The following SRGAP1 variants were observed in gnomAD, a reference collection of about 807,000 sequenced individuals.
SRGAP1 encodes SLIT-ROBO Rho GTPase-activating protein 1.
SRGAP1 carries 43 observed loss-of-function variants against 121.9 expected under a neutral mutation model. That is an observed-to-expected ratio of 0.35 (90% confidence interval 0.28 to 0.46). The LOEUF (loss-of-function observed/expected upper bound fraction) is 0.46. SRGAP1 is among the 20% of genes least tolerant of loss of function. The pLI is 1.00. For missense variants in SRGAP1, 1,102 were observed against 1,350.9 expected (o/e 0.82, Z 2.89); for synonymous variants, 447 against 485.4 (o/e 0.92, Z 1.04).
chr12:64,028,557 C>T (rs1011402588), intron 4 of SRGAP1, among the ~76,000 whole-genome samples: 10 of 152,324 alleles, frequency 6.6e-5, no homozygotes, highest in East Asian at 5.8e-4. Context: ...ACAACAGAAA[C>T]TTATTTTCCA....
rs1052787947 is a variant in SRGAP1 at position 64,147,254 on chromosome 12, C to G, written c.*4582C>G. ...GTAGCTTCCTGCTTGTGACTGTTACCTAATTGTGTCAATGTACATCTGTAG... is the reference window on the plus strand; with the variant it reads ...GTAGCTTCCTGCTTGTGACTGTTACGTAATTGTGTCAATGTACATCTGTAG... On this transcript the variant is annotated 3_prime_UTR_variant, in exon 22 of 22. Coordinates refer to ENST00000355086, the MANE Select transcript of SRGAP1 (RefSeq NM_020762.4). The G allele has an allele frequency of 2.6e-6, 1 of 379,484 alleles. No homozygotes were observed. The highest frequency in any genetic ancestry group is 2.1e-5 in the African/African-American group (1 of 48,386). The allele number at this position is 379,484 out of a possible 1,614,324, so 23.5% of individuals were successfully genotyped here. A position where few individuals can be genotyped will look rare whatever the true frequency, so the allele number is the denominator to read the frequency against.
chr12:64,085,369 A>G (rs2035918969), intron 10 of SRGAP1, among the ~76,000 whole-genome samples: 1 of 152,180 alleles, frequency 6.6e-6, no homozygotes, highest in Non-Finnish European at 1.5e-5. Flanking sequence ...ATTAGACTTA[A>G]TGCTGTCATA....
At chr12:63,906,865 A>G (rs902982168) in intron 1 of SRGAP1, among the ~76,000 whole-genome samples, 2 of 151,406 alleles carry the variant, frequency 1.3e-5, no homozygotes, top group African/African-American at 2.4e-5. Context: ...CCCACTTTTA[A>G]TTTTTATTAT....
At chr12:63,856,305 CTT>C (rs1383225592) in intron 1 of SRGAP1, among the ~76,000 whole-genome samples, 6 of 151,094 alleles carry the variant, frequency 4.0e-5, no homozygotes, top group Non-Finnish European at 7.4e-5. Flanking sequence ...AAAAGATCCT[CTT>C]AATAAATAGA....
chr12:63,996,670 T>C (rs1011177191), intron 3 of SRGAP1, among the ~76,000 whole-genome samples: 2 of 152,080 alleles, frequency 1.3e-5, no homozygotes, highest in Non-Finnish European at 2.9e-5. Flanking sequence ...GTAAATAATA[T>C]AACAAGAAGA....
chr12:64,017,706 G>A (rs956466061), intron 4 of SRGAP1, among the ~76,000 whole-genome samples: 6 of 151,098 alleles, frequency 4.0e-5, no homozygotes, highest in Non-Finnish European at 7.4e-5. Context: ...TTTAGGTTGC[G>A]TTATTCTGGT....
rs2033345901 is a variant in SRGAP1 at position 63,983,941 on chromosome 12, C to G, written c.68-6C>G. On this transcript the variant is annotated splice_polypyrimidine_tract_variant and splice_region_variant and intron_variant, in intron 1 of 21. Coordinates refer to ENST00000355086, the MANE Select transcript of SRGAP1 (RefSeq NM_020762.4). ...AACCATCCATTGGCTTCTCTTCTCT[C>G]CTTAGAAATTCGAGCTCAACTGGTA... The G allele has an allele frequency of 6.8e-7, 1 of 1,479,098 alleles. No homozygotes were observed. The allele number at this position is 1,479,098 out of a possible 1,614,324, so 91.6% of individuals were successfully genotyped here.
rs143343748 is a variant in SRGAP1, at chr12:63,851,582, T to C, written c.67+6699T>C. ...ACTTACCTTGTTGTCTTCTTTTCTT[T>C]CTTTCTTTCTTTTTTTTTTTTTTTA... On this transcript the variant is annotated intron_variant, in intron 1 of 21. Coordinates refer to ENST00000355086, the MANE Select transcript of SRGAP1 (RefSeq NM_020762.4). Among the ~76,000 whole-genome samples the C allele has an allele frequency of 7.9e-5, 12 of 151,880 alleles. No homozygotes were observed. The East Asian group carries it at 2.3e-3, about 29-fold the overall frequency.
chr12:64,158,837 G>A lies in SRGAP1; in HGVS notation c.*16165G>A, dbSNP rs1027028478. On this transcript the variant is annotated 3_prime_UTR_variant, in exon 22 of 22. Transcript: ENST00000355086. Reference sequence around the variant, plus strand: ...AAAAATGAAAAATCCCAATGAAAATGCATGAATATCATGTGCCTTGACAAC... The same window carrying A: ...AAAAATGAAAAATCCCAATGAAAATACATGAATATCATGTGCCTTGACAAC... 3 of 152,006 alleles carry A rather than the reference G, an allele frequency of 2.0e-5. No individual in the cohort carries two copies. The highest frequency in any genetic ancestry group is 7.2e-5 in the African/African-American group (3 of 41,414). The allele number at this position is 152,006 out of a possible 1,614,324, so 9.4% of individuals were successfully genotyped here. A position where few individuals can be genotyped will look rare whatever the true frequency, so the allele number is the denominator to read the frequency against.
chr12:63,871,819 T>A, intron 1 of SRGAP1: 1 of 1,385,420 alleles, frequency 7.2e-7, no homozygotes, highest in Non-Finnish European at 1.0e-6. Flanking sequence ...GCCAGCATCC[T>A]CTTGGATCTG....
At position 64,155,601 on chromosome 12, in the gene SRGAP1, T is replaced by C. The variant is rs1378281799; in HGVS notation, c.*12929T>C. Reference sequence around the variant, plus strand: ...TAAACAAGTTCAGGCTTGTTAAATATTTTTTATGTTTGTTTGTTTGCTTTG... The same window carrying C: ...TAAACAAGTTCAGGCTTGTTAAATACTTTTTATGTTTGTTTGTTTGCTTTG... On this transcript the variant is annotated 3_prime_UTR_variant, in exon 22 of 22. Coordinates refer to ENST00000355086, the MANE Select transcript of SRGAP1 (RefSeq NM_020762.4). The C allele has an allele frequency of 1.3e-5, 2 of 151,896 alleles. No homozygotes were observed. Among genetic ancestry groups the C allele is most frequent in the African/African-American group, 2.4e-5 (1 of 41,348 alleles). The allele number at this position is 151,896 out of a possible 1,614,324, so 9.4% of individuals were successfully genotyped here. A position where few individuals can be genotyped will look rare whatever the true frequency, so the allele number is the denominator to read the frequency against.
At chr12:63,897,898 G>A (rs1445435973) in intron 1 of SRGAP1, among the ~76,000 whole-genome samples, 1 of 152,100 alleles carries the variant, frequency 6.6e-6, no homozygotes, top group Non-Finnish European at 1.5e-5. Context: ...GAATATAGGA[G>A]TCAGAGAAAA....
chr12:64,009,150 G>A (rs1434387797), intron 3 of SRGAP1, among the ~76,000 whole-genome samples: 1 of 152,082 alleles, frequency 6.6e-6, no homozygotes, highest in Non-Finnish European at 1.5e-5. Context: ...TTGCACTTTT[G>A]TGAAGTTCAG....
chr12:63,915,200 G>A (rs905678440), intron 1 of SRGAP1, among the ~76,000 whole-genome samples: 8 of 152,190 alleles, frequency 5.3e-5, no homozygotes, highest in Non-Finnish European at 8.8e-5. Context: ...CCATGCTAAG[G>A]GCTTGTTAAA....
chr12:64,060,998 G>A (rs2035441108), intron 6 of SRGAP1, among the ~76,000 whole-genome samples: 1 of 152,276 alleles, frequency 6.6e-6, no homozygotes, highest in East Asian at 1.9e-4. Flanking sequence ...ATAGGGAAAG[G>A]ACCTGGTTTT....
intron 3 of SRGAP1, among the ~76,000 whole-genome samples, chr12:64,010,508 G>A (rs1042176606): frequency 2.0e-5 from 3 of 152,172 alleles, no homozygotes; most frequent in Middle Eastern, 3.4e-3. Flanking sequence ...TATGTCTGGC[G>A]TCTTTGTGAG....
intron 6 of SRGAP1, among the ~76,000 whole-genome samples, chr12:64,056,200 A>C (rs2035337924): frequency 2.0e-5 from 3 of 152,096 alleles, no homozygotes; most frequent in Admixed American, 6.6e-5. Context: ...AAACCCTGCC[A>C]CTTCTCACTA....
chr12:63,858,278 A>T (rs985189900), intron 1 of SRGAP1, among the ~76,000 whole-genome samples: 3 of 151,720 alleles, frequency 2.0e-5, no homozygotes, highest in African/African-American at 4.8e-5. Context: ...TCTTGGGAAA[A>T]AAACAGACCT....
At chr12:64,125,128 T>A (rs369230114) in intron 18 of SRGAP1, among the ~76,000 whole-genome samples, 2 of 152,208 alleles carry the variant, frequency 1.3e-5, no homozygotes, top group African/African-American at 4.8e-5. Flanking sequence ...CACCTTCCCA[T>A]CCCCAACCTC....
Sources: allele counts gnomAD v4.1 joint callset (sites outside exome capture counted in the v4.1 genomes callset), GRCh38; gene constraint gnomAD v4.1.1; transcripts MANE v1.5; gene names NCBI Gene and HGNC (gene_info 2026-07-23, HGNC 2026-07-21).